The following MDGA2 variants were observed in gnomAD, a reference collection of about 807,000 sequenced individuals.
MDGA2 encodes MAM domain-containing glycosylphosphatidylinositol anchor protein 2.
MDGA2 carries 40 observed loss-of-function variants against 117.8 expected under a neutral mutation model. The observed-to-expected ratio is 0.34, with a 90% confidence interval of 0.26 to 0.44. The LOEUF (loss-of-function observed/expected upper bound fraction) is 0.44. Among genes scored for constraint, MDGA2 ranks in the 20% least tolerant of loss-of-function variants. The probability of loss-of-function intolerance (pLI) is 1.00; values close to 1 mark genes in which losing one functional copy is unlikely to be tolerated. For synonymous variants in MDGA2, 452 were observed against 439.0 expected, an observed-to-expected ratio of 1.03 and a Z score of -0.37; for missense variants, 1,123 against 1,250.6, an observed-to-expected ratio of 0.90 and a Z score of 1.54.
intron 12 of MDGA2, among the ~76,000 whole-genome samples, chr14:46,875,437 T>C (rs375494994): frequency 6.6e-6 from 1 of 151,782 alleles, no homozygotes; most frequent in Admixed American, 6.6e-5. Flanking sequence ...TTTATTTATA[T>C]TCTATATTCT....
Position 47,611,739 on chromosome 14 carries a change from T to C in MDGA2, c.280+62778A>G, listed in dbSNP as rs971351230. 4.6e-5 allele frequency among the ~76,000 whole-genome samples: 7 copies of C among 152,164 alleles called. No individual in the cohort carries two copies. The East Asian group carries it at 1.3e-3, about 29-fold the overall frequency. ...CAGTTCTGATGTTACGTTTGAGATGTTCCCAATCTTAAGTGCTTGGAAAGC... is the reference window on the plus strand; with the variant it reads ...CAGTTCTGATGTTACGTTTGAGATGCTCCCAATCTTAAGTGCTTGGAAAGC... On this transcript the variant is annotated intron_variant, in intron 1 of 16. Coordinates refer to ENST00000399232, the MANE Select transcript of MDGA2 (RefSeq NM_001113498.3).
Position 46,915,036 on chromosome 14 carries a change from G to A in MDGA2, c.2238+4976C>T, listed in dbSNP as rs566701187. On this transcript the variant is annotated intron_variant, in intron 10 of 16. Coordinates refer to ENST00000399232, the MANE Select transcript of MDGA2 (RefSeq NM_001113498.3). The stretch of plus-strand genomic sequence containing the variant: ...AAAATGTATATTGCTTAGGCCACAT[G>A]CCTAACTCAGTGTATTTAAACCATC... Among the ~76,000 whole-genome samples, 333 of 152,212 alleles carry A rather than the reference G, an allele frequency of 2.2e-3. 1 individual carries two copies. Among genetic ancestry groups the A allele is most frequent in the African/African-American group, 7.6e-3 (316 of 41,548 alleles).
intron 10 of MDGA2, among the ~76,000 whole-genome samples, chr14:46,901,294 T>C (rs1883276759): frequency 6.6e-6 from 1 of 152,072 alleles, no homozygotes; most frequent in East Asian, 1.9e-4. Flanking sequence ...GTAACAAACC[T>C]GCACGTTGTG....
chr14:46,971,957 A>G (rs1375673856), intron 8 of MDGA2, among the ~76,000 whole-genome samples: 1 of 152,188 alleles, frequency 6.6e-6, no homozygotes, highest in Non-Finnish European at 1.5e-5. Flanking sequence ...AACAATGGAA[A>G]GTAAAACCTA....
chr14:47,613,812 CTTA>C (rs960052884), intron 1 of MDGA2, among the ~76,000 whole-genome samples: 13 of 152,082 alleles, frequency 8.5e-5, no homozygotes, highest in Non-Finnish European at 1.5e-5. Flanking sequence ...CCCCCATTCA[CTTA>C]TTAAAAATTT....
intron 1 of MDGA2, among the ~76,000 whole-genome samples, chr14:47,335,190 T>C (rs1171013980): frequency 6.8e-6 from 1 of 147,848 alleles, no homozygotes; most frequent in Non-Finnish European, 1.5e-5. Context: ...TTGTAATTCA[T>C]ATATTGTAGC....
rs1315620178 is a variant in MDGA2, at chr14:46,873,565, G to A, written c.2620C>T (p.Arg874Ter). The change falls in exon 14 of 17, where the codon CGA (arginine) becomes TGA (stop). Residue 874 changes from arginine to a stop codon, truncating the protein, a stop_gained. Transcript: ENST00000399232. LOFTEE classifies it high-confidence loss of function. The part of the protein sequence containing the change: ...EGFYMYIETS[R>*]PRLEGEKARL... ...GCCTTTTCGCCTTCCAATCTGGGTC[G>A]TGATGTCTCAATGTACATATAAAAA... The A allele has an allele frequency of 1.2e-6, 2 of 1,612,132 alleles. No individual in the cohort carries two copies. The highest frequency in any genetic ancestry group is 1.7e-6 in the Non-Finnish European group (2 of 1,178,826).
intron 1 of MDGA2, among the ~76,000 whole-genome samples, chr14:47,346,201 G>T (rs936122565): frequency 6.6e-6 from 1 of 151,976 alleles, no homozygotes; most frequent in African/African-American, 2.4e-5. Flanking sequence ...CCAAAAATAT[G>T]TACAATGATT....
At chr14:47,071,503 G>A (rs1203912157) in intron 6 of MDGA2, among the ~76,000 whole-genome samples, 1 of 151,564 alleles carries the variant, frequency 6.6e-6, no homozygotes, top group African/African-American at 2.4e-5. Context: ...CCTTTCCTTA[G>A]GTGTGTTTAA....
chr14:47,069,444 A>G (rs1890199885), intron 6 of MDGA2, among the ~76,000 whole-genome samples: 1 of 152,132 alleles, frequency 6.6e-6, no homozygotes, highest in Non-Finnish European at 1.5e-5. Flanking sequence ...GGTTCATTTG[A>G]GTTCTATCAT....
chr14:47,078,352 C>A (rs1053239894), intron 6 of MDGA2, among the ~76,000 whole-genome samples: 1 of 152,116 alleles, frequency 6.6e-6, no homozygotes, highest in Admixed American at 6.5e-5. Flanking sequence ...GTAGCAATAA[C>A]TGAGTTTATA....
intron 1 of MDGA2, among the ~76,000 whole-genome samples, chr14:47,578,115 T>A (rs1896150085): frequency 6.6e-6 from 1 of 152,138 alleles, no homozygotes; most frequent in Admixed American, 6.6e-5. Context: ...CATGTCCTTT[T>A]CATGGACATG....
At chr14:46,901,429 G>T (rs1297161199) in intron 10 of MDGA2, among the ~76,000 whole-genome samples, 1 of 152,136 alleles carries the variant, frequency 6.6e-6, no homozygotes, top group Non-Finnish European at 1.5e-5. Flanking sequence ...AATCGGACTG[G>T]CATGCTTCTT....
At chr14:47,460,438 G>A (rs1215567981) in intron 1 of MDGA2, among the ~76,000 whole-genome samples, 1 of 152,040 alleles carries the variant, frequency 6.6e-6, no homozygotes, top group Non-Finnish European at 1.5e-5. Context: ...ACAATTTGGT[G>A]TATTTTTGCC....
At chr14:47,645,652 CA>C (rs1367975714) in intron 1 of MDGA2, among the ~76,000 whole-genome samples, 1 of 151,984 alleles carries the variant, frequency 6.6e-6, no homozygotes, top group African/African-American at 2.4e-5. Context: ...CATTATTATA[CA>C]TTTTTTTAAG....
intron 1 of MDGA2, among the ~76,000 whole-genome samples, chr14:47,649,968 T>A (rs912933839): frequency 6.6e-6 from 1 of 151,838 alleles, no homozygotes; most frequent in African/African-American, 2.4e-5. Context: ...AGATATTTGG[T>A]CAAACTTTAG....
chr14:47,455,436 G>A (rs1244286752), intron 1 of MDGA2, among the ~76,000 whole-genome samples: 1 of 152,114 alleles, frequency 6.6e-6, no homozygotes, highest in African/African-American at 2.4e-5. Context: ...AACCCAGGAG[G>A]CAGAGGTTGC....
chr14:47,083,612 C>T (rs1890787255), intron 6 of MDGA2, among the ~76,000 whole-genome samples: 1 of 151,868 alleles, frequency 6.6e-6, no homozygotes, highest in Non-Finnish European at 1.5e-5. Context: ...TGTAAATTAT[C>T]TAAATACACC....
At chr14:47,419,768 T>C (rs1278286478) in intron 1 of MDGA2, among the ~76,000 whole-genome samples, 1 of 152,050 alleles carries the variant, frequency 6.6e-6, no homozygotes, top group Non-Finnish European at 1.5e-5. Context: ...AAGTTGATAA[T>C]TGTGGAACTG....
Sources: allele counts gnomAD v4.1 joint callset (sites outside exome capture counted in the v4.1 genomes callset), GRCh38; gene constraint gnomAD v4.1.1; transcripts MANE v1.5; gene names NCBI Gene and HGNC (gene_info 2026-07-23, HGNC 2026-07-21).